Variants in NXPE2 observed in about 807,000 individuals in gnomAD.
NXPE2 encodes the protein NXPE family member 2.
Under a neutral mutation model 34.4 loss-of-function variants are expected in NXPE2, and 34 were observed. The observed-to-expected ratio is 0.99, with a 90% CI of 0.75 to 1.31. The LOEUF (loss-of-function observed/expected upper bound fraction) is 1.31. Ranked by LOEUF, NXPE2 falls within the 40% of genes most tolerant of loss-of-function variation. The pLI, the probability that NXPE2 is intolerant of heterozygous loss-of-function variation, is 0.00. For missense variants in NXPE2, 649 were observed against 672.5 expected (o/e 0.97, Z 0.39); for synonymous variants, 235 against 231.3 (o/e 1.02, Z -0.15).
the NXPE2 span, among the ~76,000 whole-genome samples, chr11:114,558,422 A>C: frequency 2.6e-5 from 4 of 152,102 alleles, no homozygotes; most frequent in African/African-American, 9.7e-5. Context: ...ACATTTTACT[A>C]TGTGTAATTA....
At chr11:114,606,050 C>T in the NXPE2 span, among the ~76,000 whole-genome samples, 1,735 of 151,500 alleles carry the variant, frequency 0.011, 36 homozygotes, top group African/African-American at 0.039. Flanking sequence ...AGGTCTGCCT[C>T]GTGGGTAACC....
At chr11:114,646,625 A>C in the NXPE2 span, among the ~76,000 whole-genome samples, 1 of 152,176 alleles carries the variant, frequency 6.6e-6, no homozygotes, top group Non-Finnish European at 1.5e-5. Context: ...CAAAATAACA[A>C]GTATTTTTAC....
At chr11:114,481,917 G>A in the NXPE2 span, among the ~76,000 whole-genome samples, 2 of 152,100 alleles carry the variant, frequency 1.3e-5, no homozygotes, top group African/African-American at 4.8e-5. Flanking sequence ...ACACTTGCAA[G>A]TAACTGTAGC....
the NXPE2 span, among the ~76,000 whole-genome samples, chr11:114,475,021 T>C: frequency 6.7e-3 from 1,019 of 152,222 alleles, 13 homozygotes; most frequent in African/African-American, 0.021. Flanking sequence ...TACACTGTAA[T>C]TTATGACATT....
the NXPE2 span, among the ~76,000 whole-genome samples, chr11:114,484,819 A>G: frequency 6.6e-6 from 1 of 152,174 alleles, no homozygotes; most frequent in Non-Finnish European, 1.5e-5. Flanking sequence ...TCTTATTTCT[A>G]TTTGTTTATA....
chr11:114,542,959 A>G, the NXPE2 span, among the ~76,000 whole-genome samples: 1 of 152,230 alleles, frequency 6.6e-6, no homozygotes, highest in South Asian at 2.1e-4. Flanking sequence ...CTCACCAATT[A>G]AAGTATATTT....
At chr11:114,571,300 C>T in the NXPE2 span, 7 of 1,613,954 alleles carry the variant, frequency 4.3e-6, no homozygotes, top group East Asian at 1.6e-4. Context: ...TTTTTTTCTC[C>T]TCCAGTTCTG....
At chr11:114,698,852 A>T in intron 3 of NXPE2, 74 bp downstream of exon 3, 1 of 1,374,270 alleles carries the variant, frequency 7.3e-7, no homozygotes, top group Non-Finnish European at 9.6e-7. Flanking sequence ...GTTTTGCCTA[A>T]TCAAACTTTT....
chr11:114,587,233 C>T, the NXPE2 span, among the ~76,000 whole-genome samples: 1 of 152,180 alleles, frequency 6.6e-6, no homozygotes, highest in Non-Finnish European at 1.5e-5. Flanking sequence ...TGAACATGGT[C>T]CCATCAGCAG....
chr11:114,472,490 G>A, the NXPE2 span, among the ~76,000 whole-genome samples: 2 of 152,150 alleles, frequency 1.3e-5, no homozygotes, highest in Non-Finnish European at 2.9e-5. Flanking sequence ...GTGGCCCACG[G>A]GCTGTGGATT....
At chr11:114,723,939 T>G in the NXPE2 span, among the ~76,000 whole-genome samples, 1 of 152,184 alleles carries the variant, frequency 6.6e-6, no homozygotes, top group East Asian at 1.9e-4. Context: ...CTATTTTGCT[T>G]CAAGTTCTTC....
At chr11:114,671,027 A>G in the NXPE2 span, among the ~76,000 whole-genome samples, 1 of 148,656 alleles carries the variant, frequency 6.7e-6, no homozygotes, top group Non-Finnish European at 1.5e-5. Flanking sequence ...GAGATTGTCA[A>G]TAAGGACAAA....
chr11:114,680,082 A>G (rs982719024), intron 2 of NXPE2, among the ~76,000 whole-genome samples: 1 of 152,022 alleles, frequency 6.6e-6, no homozygotes, highest in Non-Finnish European at 1.5e-5. Flanking sequence ...ATTTCAAACT[A>G]ATTAAGTTTC....
the NXPE2 span, among the ~76,000 whole-genome samples, chr11:114,540,948 C>G: frequency 7.4e-6 from 1 of 134,572 alleles, no homozygotes. Flanking sequence ...GGGGAAATCC[C>G]AGAACAGAGG....
intron 2 of NXPE2, among the ~76,000 whole-genome samples, chr11:114,687,911 A>G (rs1951077923): frequency 1.3e-5 from 2 of 151,998 alleles, no homozygotes; most frequent in African/African-American, 4.8e-5. Context: ...GGTTTATAAA[A>G]ATGCTACTAA....
the NXPE2 span, among the ~76,000 whole-genome samples, chr11:114,806,309 C>T: frequency 2.6e-5 from 4 of 152,194 alleles, no homozygotes; most frequent in Non-Finnish European, 2.9e-5. Context: ...CAAAGGAATG[C>T]AGCTCCTCAC....
chr11:114,578,512 A>G, the NXPE2 span, among the ~76,000 whole-genome samples: 14 of 152,180 alleles, frequency 9.2e-5, no homozygotes, highest in African/African-American at 3.4e-4. Context: ...GTCATTTACC[A>G]GAGATCACAA....
the NXPE2 span, among the ~76,000 whole-genome samples, chr11:114,478,795 G>A: frequency 6.2e-4 from 95 of 152,252 alleles, no homozygotes; most frequent in Middle Eastern, 6.8e-3. Flanking sequence ...TTCAAATTCA[G>A]TTCTCTTTTA....
chr11:114,531,158 G>A, the NXPE2 span, among the ~76,000 whole-genome samples: 1 of 151,670 alleles, frequency 6.6e-6, no homozygotes, highest in Non-Finnish European at 1.5e-5. Flanking sequence ...TGATAATTTT[G>A]TATAAAATGT....
Sources: allele counts gnomAD v4.1 joint callset (sites outside exome capture counted in the v4.1 genomes callset), GRCh38; gene constraint gnomAD v4.1.1; transcripts MANE v1.5; gene names NCBI Gene and HGNC (gene_info 2026-07-23, HGNC 2026-07-21).